PHIP: variants seen among roughly 807,000 people sequenced by gnomAD.
PHIP encodes PHIP subunit of CUL4-Ring ligase complex, also known as PH-interacting protein.
PHIP carries 54 observed loss-of-function variants against 236.8 expected under a neutral mutation model. The observed-to-expected ratio is 0.23, with a 90% CI of 0.18 to 0.29. The LOEUF is 0.29. Ranked by LOEUF, PHIP falls within the 10% of genes least tolerant of loss-of-function variation. The pLI, the probability that PHIP is intolerant of heterozygous loss-of-function variation, is 1.00. For synonymous variants in PHIP, 756 were observed against 718.9 expected, an observed-to-expected ratio of 1.05 and a Z score of -0.83; for missense variants, 1,370 against 2,190.8, an observed-to-expected ratio of 0.63 and a Z score of 7.48.
intron 6 of PHIP, among the ~76,000 whole-genome samples, chr6:79,044,408 G>A (rs1021098778): frequency 1.3e-5 from 2 of 152,108 alleles, no homozygotes; most frequent in Non-Finnish European, 2.9e-5. Context: ...TTAGACCCCA[G>A]ACACATTTTC....
chr6:79,068,503 A>C (rs1773734541), intron 4 of PHIP, among the ~76,000 whole-genome samples: 1 of 152,076 alleles, frequency 6.6e-6, no homozygotes, highest in African/African-American at 2.4e-5. Context: ...ACGAAATCTC[A>C]AGTCACACAG....
Position 79,004,909 on chromosome 6 carries a change from T to C in PHIP, c.1525-1051A>G, listed in dbSNP as rs115622130. ...AGAATAACTGATTTCTCAAGGAAGG[T>C]TTGCATTTTGGTAAAAAGAGAAAAT... On this transcript the variant is annotated intron_variant, in intron 15 of 39. Transcript: ENST00000275034. Among the ~76,000 whole-genome samples the C allele has an allele frequency of 3.8e-3, 585 of 152,094 alleles. 5 individuals are homozygous for C. The Middle Eastern group carries it at 0.041, about 11-fold the overall frequency.
At position 79,075,514 on chromosome 6, in the gene PHIP, G is replaced by A. The variant is rs369776079; in HGVS notation, c.189+1934C>T. Among the ~76,000 whole-genome samples, 14 of 151,958 alleles carry A rather than the reference G, an allele frequency of 9.2e-5. No individual in the cohort carries two copies. The East Asian group carries it at 2.3e-3, about 25-fold the overall frequency. On this transcript the variant is annotated intron_variant, in intron 4 of 39. Coordinates refer to ENST00000275034, the MANE Select transcript of PHIP (RefSeq NM_017934.7). ...TACATAGATAGAAAGAATGCTTACT[G>A]TATCTTAAATCTGCGATGCAGACTA...
At chr6:78,975,310 A>G (rs1368050079) in intron 24 of PHIP, among the ~76,000 whole-genome samples, 1 of 152,226 alleles carries the variant, frequency 6.6e-6, no homozygotes, top group African/African-American at 2.4e-5. Flanking sequence ...AAGGCCTTTG[A>G]CAAAAATCAA....
intron 39 of PHIP, among the ~76,000 whole-genome samples, chr6:78,944,108 T>C (rs1773669986): frequency 6.7e-6 from 1 of 148,196 alleles, no homozygotes; most frequent in African/African-American, 2.5e-5. Flanking sequence ...ACAATTAAAC[T>C]AGGAGGGAAA....
rs190138137 is a variant in PHIP, at chr6:79,041,764, A to T, written c.600+1079T>A. On this transcript the variant is annotated intron_variant, in intron 7 of 39. Transcript: ENST00000275034. ...AATAATACTTGATACAAGAGAACGT[A>T]AAAAGGGAAAATACTGATATAAGAA... Among the ~76,000 whole-genome samples, 276 of 152,184 alleles carry T rather than the reference A, an allele frequency of 1.8e-3. 2 individuals are homozygous for T. The highest frequency in any genetic ancestry group is 3.2e-3 in the Non-Finnish European group (218 of 67,946).
chr6:79,018,947 T>C (rs1004465077), intron 10 of PHIP, 142 bp downstream of exon 10: 2 of 564,016 alleles, frequency 3.5e-6, no homozygotes, highest in African/African-American at 3.7e-5. Flanking sequence ...ATAATAATTC[T>C]CAGTTACTTA....
chr6:79,008,774 C>T (rs899253098), intron 15 of PHIP, among the ~76,000 whole-genome samples: 6 of 152,078 alleles, frequency 3.9e-5, no homozygotes, highest in Admixed American at 3.3e-4. Context: ...TGCCAGCTGG[C>T]CATTTCCACA....
At chr6:78,976,144 C>T in intron 24 of PHIP, among the ~76,000 whole-genome samples, 1 of 149,862 alleles carries the variant, frequency 6.7e-6, no homozygotes, top group Non-Finnish European at 1.5e-5. Flanking sequence ...GCTACAGTAA[C>T]CAAAACAGCA....
chr6:78,971,445 TAA>T (rs1767544100), intron 24 of PHIP, among the ~76,000 whole-genome samples: 1 of 152,214 alleles, frequency 6.6e-6, no homozygotes, highest in Non-Finnish European at 1.5e-5. Flanking sequence ...TTTAAAATGC[TAA>T]GTTTTTAGTA....
intron 21 of PHIP, among the ~76,000 whole-genome samples, chr6:78,986,360 TTAAA>T (rs1344626792): frequency 6.6e-6 from 1 of 152,240 alleles, no homozygotes; most frequent in Non-Finnish European, 1.5e-5. Context: ...TCTTCCTCAC[TTAAA>T]TAAACTTTAT....
chr6:79,025,138 T>C (rs1008504492), intron 9 of PHIP, among the ~76,000 whole-genome samples: 5 of 152,320 alleles, frequency 3.3e-5, no homozygotes, highest in South Asian at 2.1e-4. Flanking sequence ...CTAAAGTTTA[T>C]AGATTCAGTA....
chr6:78,965,690 A>C lies in PHIP; in HGVS notation c.3379+13T>G, dbSNP rs761676012. Reference sequence around the variant, plus strand: ...TCCATAATGGAGAAACAAAAAGCCTAACACACACTTACCATTATTAGGTAT... The same window carrying C: ...TCCATAATGGAGAAACAAAAAGCCTCACACACACTTACCATTATTAGGTAT... On this transcript the variant is annotated intron_variant, in intron 29 of 39. Transcript: ENST00000275034. 1.4e-6 allele frequency: 2 copies of C among 1,461,152 alleles called. No individual in the cohort carries two copies. The highest frequency in any genetic ancestry group is 2.4e-5 in the South Asian group (2 of 82,872). 90.5% of individuals were successfully genotyped at this position (1,461,152 alleles called of 1,614,324 possible).
intron 1 of PHIP, 30 bp downstream of exon 1, chr6:79,077,999 G>GCCAGCGGCC: frequency 6.2e-7 from 1 of 1,607,130 alleles, no homozygotes; most frequent in African/African-American, 1.3e-5. Context: ...ATCGCCCGGT[G>GCCAGCGGCC]CCAGCGGCCC....
intron 36 of PHIP, among the ~76,000 whole-genome samples, 178 bp downstream of exon 36, chr6:78,947,445 A>G (rs1020201320): frequency 2.0e-5 from 3 of 152,212 alleles, no homozygotes; most frequent in Non-Finnish European, 4.4e-5. Flanking sequence ...GATAACATCA[A>G]TGTTATTTCA....
intron 39 of PHIP, among the ~76,000 whole-genome samples, chr6:78,941,533 C>A (rs183384093): frequency 2.6e-5 from 4 of 152,182 alleles, no homozygotes; most frequent in African/African-American, 9.6e-5. Flanking sequence ...AGATTCTTAA[C>A]GATCTCATGA....
rs989201895 is a variant in PHIP, at chr6:79,078,212, CGGAGGA to C, written c.-150_-145del. The C allele has an allele frequency of 1.6e-5, 12 of 728,314 alleles. No homozygotes were observed. Among genetic ancestry groups the C allele is most frequent in the Admixed American group, 5.7e-5 (2 of 35,132 alleles). The allele number at this position is 728,314 out of a possible 1,614,324, so 45.1% of individuals were successfully genotyped here. A position where few individuals can be genotyped will look rare whatever the true frequency, so the allele number is the denominator to read the frequency against. On this transcript the variant is annotated 5_prime_UTR_variant, in exon 1 of 40. Coordinates refer to ENST00000275034, the MANE Select transcript of PHIP (RefSeq NM_017934.7). ...ACCATTCAAGCAACGGCGGCGGAGG[CGGAGGA>C]GGAGGAGGAGGAAACAACAACTCTC...
intron 14 of PHIP, 65 bp from the exon 15 acceptor site, chr6:79,015,281 G>T: frequency 7.7e-7 from 1 of 1,296,318 alleles, no homozygotes; most frequent in Non-Finnish European, 1.1e-6. Context: ...CAAACATAAT[G>T]AAATACCAAT....
At chr6:79,060,106 GAAA>G (rs11295038) in intron 6 of PHIP, among the ~76,000 whole-genome samples, 1,514 of 145,274 alleles carry the variant, frequency 0.01, 13 homozygotes, top group African/African-American at 0.031. Flanking sequence ...GCCAAAAAAA[GAAA>G]AAAAAAAAAA....
Sources: gnomAD v4.1 joint callset for allele counts (sites outside exome capture counted in the v4.1 genomes callset) on GRCh38, gnomAD v4.1.1 for gene constraint, MANE v1.5 for transcripts, NCBI Gene and HGNC (gene_info 2026-07-23, HGNC 2026-07-21) for gene names.